Variants in DMRTC2 observed in about 807,000 individuals in gnomAD.
DMRTC2 encodes DMRT like family C2.
In DMRTC2, 13 loss-of-function variants were observed where a neutral mutation model predicts 39.9. The observed-to-expected ratio is 0.33, with a 90% confidence interval of 0.21 to 0.52. The LOEUF (loss-of-function observed/expected upper bound fraction) is 0.52, where lower values mean the gene tolerates loss of function less well. Among genes scored for constraint, DMRTC2 ranks in the 20% least tolerant of loss-of-function variants. The pLI, the probability that DMRTC2 is intolerant of heterozygous loss-of-function variation, is 0.96. For synonymous variants in DMRTC2, 189 were observed against 185.2 expected, an observed-to-expected ratio of 1.02 and a Z score of -0.17; for missense variants, 431 against 472.8, an observed-to-expected ratio of 0.91 and a Z score of 0.82.
intron 6 of DMRTC2, 61 bp from the exon 7 acceptor site, chr19:41,850,251 C>G (rs2073934250): frequency 7.7e-7 from 1 of 1,302,066 alleles, no homozygotes; most frequent in African/African-American, 1.5e-5. Flanking sequence ...GCCCCTCTTT[C>G]AATGTGTGCA....
chr19:41,847,769 CT>C lies in DMRTC2; in HGVS notation c.260del (p.Leu87CysfsTer9). ...GCAGGGTCATGGCTGCCCAGGTGGCCTTGCGTAGGCAGCAGGAGGCGCAGCT... is the reference window on the plus strand; with the variant it reads ...GCAGGGTCATGGCTGCCCAGGTGGCCTGCGTAGGCAGCAGGAGGCGCAGCT... ...RRRVMAAQVA[L>X]RRQQEAQLKK... On this transcript the variant is annotated frameshift_variant, in exon 3 of 9. Transcript: ENST00000269945. LOFTEE classifies it high-confidence loss of function. 1 of 1,613,816 alleles carries C rather than the reference CT, an allele frequency of 6.2e-7. No individual in the cohort carries two copies. The highest frequency in any genetic ancestry group is 8.5e-7 in the Non-Finnish European group (1 of 1,179,866).
intron 3 of DMRTC2, 74 bp from the exon 4 acceptor site, chr19:41,848,378 A>G: frequency 7.7e-7 from 1 of 1,291,762 alleles, no homozygotes; most frequent in Non-Finnish European, 1.1e-6. Context: ...GGGGGAGATG[A>G]GAACTGTCTG....
chr19:41,847,599 C>T lies in DMRTC2; in HGVS notation c.171C>T (p.His57=). 1 of 1,614,226 alleles carries T rather than the reference C, an allele frequency of 6.2e-7. No homozygotes were observed. Residue 57 remains histidine (H), a synonymous_variant, in exon 2 of 9, where the codon CAC becomes CAT. Coordinates refer to ENST00000269945, the MANE Select transcript of DMRTC2 (RefSeq NM_001040283.3). ...NHGVTAHLKG[H]KRLCLFQACE... is the part of the protein sequence containing the mutation. ...GTGTCACCGCCCATCTCAAGGGCCA[C>T]AAGCGCCTCTGCCTCTTCCAGGCTT...
chr19:41,848,705 A>G, intron 4 of DMRTC2, 90 bp from the exon 5 acceptor site: 1 of 1,596,652 alleles, frequency 6.3e-7, no homozygotes, highest in Non-Finnish European at 8.5e-7. Flanking sequence ...CCCAGCCCCA[A>G]AGTTTTGGGG....
At chr19:41,847,187 A>C in intron 1 of DMRTC2, 1 of 656,804 alleles carries the variant, frequency 1.5e-6, no homozygotes, top group Middle Eastern at 8.0e-4. Context: ...TCCATCTCAA[A>C]AAAAAAAAAA....
Position 41,847,482 on chromosome 19 carries a change from CT to C in DMRTC2, c.55del (p.Trp19GlyfsTer12), listed in dbSNP as rs781989007. Reference protein sequence around the residue: ...GYHCPLDSAPWDETRDPQSTE... With the variant: ...GYHCPLDSAPXDETRDPQSTE... Reference sequence around the variant, plus strand: ...ACCACTGCCCCTTAGACTCTGCCCCCTGGGATGAGACCAGAGACCCCCAGAG... The same window carrying C: ...ACCACTGCCCCTTAGACTCTGCCCCCGGGATGAGACCAGAGACCCCCAGAG... On this transcript the variant is annotated frameshift_variant, in exon 2 of 9. Transcript: ENST00000269945. LOFTEE classifies it high-confidence loss of function. The C allele has an allele frequency of 1.2e-6, 2 of 1,611,018 alleles. No homozygotes were observed. Among genetic ancestry groups the C allele is most frequent in the Non-Finnish European group, 1.7e-6 (2 of 1,178,280 alleles).
chr19:41,847,201 A>T, intron 1 of DMRTC2: 1 of 950,592 alleles, frequency 1.1e-6, no homozygotes, highest in East Asian at 1.2e-4. Flanking sequence ...AAAAAAAAAA[A>T]AAAAGAAAGA....
Position 41,851,829 on chromosome 19 carries a change from T to A in DMRTC2, c.*133T>A. ...CAAGCTTCGGGCTTTTTTGTTTGTT[T>A]GTTTGTTTGTTTGTTTAAGCTTTCA... On this transcript the variant is annotated 3_prime_UTR_variant, in exon 9 of 9. Transcript: ENST00000269945. The A allele has an allele frequency of 1.3e-6, 1 of 745,236 alleles. No homozygotes were observed. Among genetic ancestry groups the A allele is most frequent in the Non-Finnish European group, 2.2e-6 (1 of 463,198 alleles). 46.2% of individuals were successfully genotyped at this position (745,236 alleles called of 1,614,324 possible).
At chr19:41,845,015 A>C (rs183861524), upstream of DMRTC2, 1 of 152,240 alleles carries the variant, frequency 6.6e-6, no homozygotes, top group Non-Finnish European at 1.5e-5. Flanking sequence ...TAAGAAAAGC[A>C]GCGCGAGCTT....
chr19:41,848,912 C>T lies in DMRTC2; in HGVS notation c.565C>T (p.Pro189Ser), dbSNP rs1328024425. 2.5e-6 allele frequency: 4 copies of T among 1,613,670 alleles called. No individual in the cohort carries two copies. Among genetic ancestry groups the T allele is most frequent in the South Asian group, 1.1e-5 (1 of 91,092 alleles). ...CTGGCTGCCTCCAGGCTTCTCCATG[C>T]CACCACCAGTGGTGTGCCGCCTGCT... ...GHWLPPGFSM[P>S]PPVVCRLLYQ... is the part of the protein sequence containing the mutation. The change falls in exon 5 of 9, where the codon CCA becomes TCA. Residue 189 changes from proline (P) to serine (S), a missense_variant. Transcript: ENST00000269945.
In DMRTC2 at chr19:41,850,677, T is replaced by A. The variant is rs2073942868; in HGVS notation, c.968T>A (p.Leu323Gln). 1 of 1,595,390 alleles carries A rather than the reference T, an allele frequency of 6.3e-7. No homozygotes were observed. Among genetic ancestry groups the A allele is most frequent in the Non-Finnish European group, 8.5e-7 (1 of 1,171,658 alleles). ...SVPPNPAWIS[L>Q]LHPCGPPAPA... is the part of the protein sequence containing the mutation. ...CCCCCCAACCCTGCCTGGATCTCCC[T>A]GCTTCACCCCTGTGGCCCACCAGGT... Residue 323 changes from leucine to glutamine, a missense_variant, in exon 8 of 9, where the codon CTG becomes CAG. Transcript: ENST00000269945.
At chr19:41,850,781 T>C in intron 8 of DMRTC2, 81 bp downstream of exon 8, 1 of 1,419,084 alleles carries the variant, frequency 7.0e-7, no homozygotes, top group Non-Finnish European at 9.3e-7. Context: ...ACCAAGGAGA[T>C]GAGGGGGTCG....
Position 41,848,519 on chromosome 19 carries a change from C to G in DMRTC2, c.438C>G (p.Pro146=). The G allele has an allele frequency of 6.3e-7, 1 of 1,594,482 alleles. No individual in the cohort carries two copies. The highest frequency in any genetic ancestry group is 1.3e-5 in the African/African-American group (1 of 74,076). ...PHGAVLLAPT[P]PGKNSCGPLL... is the part of the protein sequence containing the mutation. ...GGGCAGTCCTGCTGGCACCGACACCCCCCGGGAAGGTAAGGAGAGGCTGGG... is the reference window on the plus strand; with the variant it reads ...GGGCAGTCCTGCTGGCACCGACACCGCCCGGGAAGGTAAGGAGAGGCTGGG... The change falls in exon 4 of 9, where the codon CCC becomes CCG. Residue 146 remains proline, a synonymous_variant. Coordinates refer to ENST00000269945, the MANE Select transcript of DMRTC2 (RefSeq NM_001040283.3).
chr19:41,849,497 G>A (rs1011266778), intron 6 of DMRTC2, among the ~76,000 whole-genome samples: 3 of 152,202 alleles, frequency 2.0e-5, no homozygotes, highest in African/African-American at 7.2e-5. Context: ...TCTGATTGTT[G>A]TAAGAATTAG....
At chr19:41,849,414 G>T (rs545614699) in intron 6 of DMRTC2, among the ~76,000 whole-genome samples, 158 bp downstream of exon 6, 1 of 152,344 alleles carries the variant, frequency 6.6e-6, no homozygotes, top group East Asian at 1.9e-4. Context: ...TAGCTGTGAT[G>T]CTTTGGACAA....
rs939393672 is a variant in DMRTC2, at chr19:41,850,785, G to A, written c.991+85G>A. On this transcript the variant is annotated intron_variant, in intron 8 of 8. Coordinates refer to ENST00000269945, the MANE Select transcript of DMRTC2 (RefSeq NM_001040283.3). Reference sequence around the variant, plus strand: ...CACAGGGACTAACCAAGGAGATGAGGGGGTCGACAGGTTGAACGTCTTCAG... The same window carrying A: ...CACAGGGACTAACCAAGGAGATGAGAGGGTCGACAGGTTGAACGTCTTCAG... 9 of 1,400,232 alleles carry A rather than the reference G, an allele frequency of 6.4e-6. No homozygotes were observed. In the African/African-American group the frequency reaches 1.3e-4, roughly 21 times the overall value. The allele number at this position is 1,400,232 out of a possible 1,614,324, so 86.7% of individuals were successfully genotyped here.
intron 1 of DMRTC2, among the ~76,000 whole-genome samples, chr19:41,846,161 C>T (rs2123200295): frequency 6.6e-6 from 1 of 152,240 alleles, no homozygotes; most frequent in Middle Eastern, 3.4e-3. Context: ...ATAGATGAGA[C>T]TAAGAATTGA....
At chr19:41,845,811 AG>A (rs1298093006) in intron 1 of DMRTC2, among the ~76,000 whole-genome samples, 2 of 152,106 alleles carry the variant, frequency 1.3e-5, no homozygotes, top group Non-Finnish European at 2.9e-5. Context: ...TGGGCTACAG[AG>A]TGAGACTCCA....
intron 1 of DMRTC2, among the ~76,000 whole-genome samples, chr19:41,845,845 G>A (rs1168852894): frequency 6.6e-6 from 1 of 151,778 alleles, no homozygotes; most frequent in Non-Finnish European, 1.5e-5. Context: ...AAAAAAGAAA[G>A]AAAGAAAGTG....
Sources: gnomAD v4.1 joint callset for allele counts (sites outside exome capture counted in the v4.1 genomes callset) on GRCh38, gnomAD v4.1.1 for gene constraint, MANE v1.5 for transcripts, NCBI Gene and HGNC (gene_info 2026-07-23, HGNC 2026-07-21) for gene names.